SNTG1: variants seen among roughly 807,000 people sequenced by gnomAD.
SNTG1 encodes the protein syntrophin gamma 1.
SNTG1 carries 39 observed loss-of-function variants against 74.7 expected under a neutral mutation model. The observed-to-expected ratio is 0.52, with a 90% CI of 0.40 to 0.68. SNTG1 has a LOEUF of 0.68. Among genes scored for constraint, SNTG1 ranks in the 30% least tolerant of loss-of-function variants. SNTG1 has a pLI of 0.00. For missense variants in SNTG1, 685 were observed against 609.5 expected (o/e 1.12, Z -1.30); for synonymous variants, 254 against 217.1 (o/e 1.17, Z -1.49).
intron 2 of SNTG1, among the ~76,000 whole-genome samples, chr8:50,257,006 T>C (rs1034490474): frequency 6.6e-6 from 1 of 152,092 alleles, no homozygotes; most frequent in African/African-American, 2.4e-5. Flanking sequence ...CATGGCTTTG[T>C]AGCCCCCCTG....
At chr8:50,536,946 T>C in intron 11 of SNTG1, 138 bp downstream of exon 11, 1 of 1,102,624 alleles carries the variant, frequency 9.1e-7, no homozygotes, top group Non-Finnish European at 1.3e-6. Context: ...AAAATAATAA[T>C]CTAACAAAGT....
intron 12 of SNTG1, among the ~76,000 whole-genome samples, chr8:50,576,610 C>T (rs1031406757): frequency 1.6e-4 from 24 of 151,758 alleles, no homozygotes; most frequent in African/African-American, 5.6e-4. Context: ...GAATTTTTTC[C>T]ATTTATTTGT....
chr8:50,509,855 T>C (rs1014806254), intron 9 of SNTG1, among the ~76,000 whole-genome samples: 1 of 152,166 alleles, frequency 6.6e-6, no homozygotes, highest in African/African-American at 2.4e-5. Context: ...AATCATGTCA[T>C]CTGCAAGCAG....
rs368386960 is a variant in SNTG1, at chr8:50,554,549, CA to C, written c.810+1372del. Among the ~76,000 whole-genome samples the C allele has an allele frequency of 1.6e-4, 24 of 150,618 alleles. No individual in the cohort carries two copies. The East Asian group carries it at 4.7e-3, about 30-fold the overall frequency. On this transcript the variant is annotated intron_variant, in intron 12 of 18. Coordinates refer to ENST00000642720, the MANE Select transcript of SNTG1 (RefSeq NM_018967.5). ...AGCCTTACCCAGGCTCATCCCTCAA[CA>C]AGGAGGCTAAACATGGGTATGTCTA...
At chr8:50,080,361 G>C (rs2131072563) in intron 1 of SNTG1, among the ~76,000 whole-genome samples, 1 of 152,228 alleles carries the variant, frequency 6.6e-6, no homozygotes, top group East Asian at 1.9e-4. Flanking sequence ...TTGAGTATAA[G>C]ATGTGTTTTT....
chr8:50,207,989 T>A (rs1484358962), intron 2 of SNTG1, among the ~76,000 whole-genome samples: 1 of 152,208 alleles, frequency 6.6e-6, no homozygotes, highest in Non-Finnish European at 1.5e-5. Context: ...CTTCCAACTA[T>A]GTGGTCAATT....
chr8:50,087,738 A>G (rs1823030691), intron 1 of SNTG1, among the ~76,000 whole-genome samples: 1 of 152,116 alleles, frequency 6.6e-6, no homozygotes, highest in Non-Finnish European at 1.5e-5. Context: ...CAGTCCTGTT[A>G]TACTTTTAAA....
At chr8:50,683,567 A>T (rs565735769) in intron 15 of SNTG1, among the ~76,000 whole-genome samples, 3 of 152,254 alleles carry the variant, frequency 2.0e-5, no homozygotes, top group Non-Finnish European at 2.9e-5. Flanking sequence ...TCCCACAAAG[A>T]TCTGCAATTT....
At chr8:50,243,991 G>A (rs1354482103) in intron 2 of SNTG1, among the ~76,000 whole-genome samples, 1 of 152,066 alleles carries the variant, frequency 6.6e-6, no homozygotes, top group Admixed American at 6.6e-5. Flanking sequence ...CCTGAGACTG[G>A]GTGATTTATA....
chr8:50,664,276 T>C (rs2095239977), intron 15 of SNTG1, among the ~76,000 whole-genome samples: 1 of 152,202 alleles, frequency 6.6e-6, no homozygotes. Context: ...TGTGTTGAGC[T>C]GTTAGGGAAA....
chr8:50,390,276 G>A (rs1405920599), intron 2 of SNTG1, among the ~76,000 whole-genome samples: 1 of 152,122 alleles, frequency 6.6e-6, no homozygotes, highest in Non-Finnish European at 1.5e-5. Flanking sequence ...TATAAGGAAG[G>A]GATCCATTTT....
At chr8:50,296,347 A>T (rs1388857179) in intron 2 of SNTG1, among the ~76,000 whole-genome samples, 2 of 152,240 alleles carry the variant, frequency 1.3e-5, no homozygotes, top group Non-Finnish European at 2.9e-5. Context: ...ACAATTGCAA[A>T]GACTTGGAAC....
chr8:49,910,851 C>G (rs955395475), upstream of SNTG1: 3 of 152,262 alleles, frequency 2.0e-5, no homozygotes, highest in African/African-American at 7.2e-5. Context: ...CTTCTTTATC[C>G]CGTCCTTTGT....
At chr8:50,546,989 G>A (rs928801440) in intron 11 of SNTG1, among the ~76,000 whole-genome samples, 1 of 152,056 alleles carries the variant, frequency 6.6e-6, no homozygotes, top group African/African-American at 2.4e-5. Context: ...TGCCATGTTG[G>A]CCAGGCTGGT....
At chr8:49,947,331 C>T (rs778582466) in intron 1 of SNTG1, among the ~76,000 whole-genome samples, 5 of 152,026 alleles carry the variant, frequency 3.3e-5, no homozygotes, top group Admixed American at 6.6e-5. Context: ...GTCCTCAATC[C>T]GTTTACAACT....
chr8:50,535,487 G>A (rs903761505), intron 10 of SNTG1, among the ~76,000 whole-genome samples: 2 of 152,126 alleles, frequency 1.3e-5, no homozygotes, highest in African/African-American at 4.8e-5. Flanking sequence ...AGTCACCAGA[G>A]AGGCATTAAA....
At chr8:50,463,748 C>T (rs1006359943) in intron 8 of SNTG1, among the ~76,000 whole-genome samples, 5 of 152,116 alleles carry the variant, frequency 3.3e-5, no homozygotes, top group African/African-American at 1.2e-4. Context: ...AACTTAAAGC[C>T]ACCAGCAGCA....
At chr8:50,029,428 T>A (rs887375727) in intron 1 of SNTG1, among the ~76,000 whole-genome samples, 7 of 152,140 alleles carry the variant, frequency 4.6e-5, no homozygotes, top group African/African-American at 1.7e-4. Context: ...TGCTATTAGA[T>A]ACTAGATCTT....
intron 1 of SNTG1, among the ~76,000 whole-genome samples, chr8:49,946,680 A>G (rs1809219534): frequency 6.6e-6 from 1 of 152,176 alleles, no homozygotes; most frequent in African/African-American, 2.4e-5. Flanking sequence ...TTTGTAGTCA[A>G]AGTGGGCCGT....
Sources: allele counts gnomAD v4.1 joint callset (sites outside exome capture counted in the v4.1 genomes callset), GRCh38; gene constraint gnomAD v4.1.1; transcripts MANE v1.5; gene names NCBI Gene and HGNC (gene_info 2026-07-23, HGNC 2026-07-21).